The following TXNDC11 variants were observed in gnomAD, a reference collection of about 807,000 sequenced individuals.
TXNDC11 encodes thioredoxin domain-containing protein 11.
Under a neutral mutation model 78.0 loss-of-function variants are expected in TXNDC11, and 68 were observed. The ratio of observed to expected loss-of-function variants is 0.87; its 90% CI spans 0.72 to 1.07. The LOEUF is 1.07. TXNDC11 is among the 50% of genes least tolerant of loss of function. The pLI is 0.00. For synonymous variants in TXNDC11, 571 were observed against 495.2 expected, an observed-to-expected ratio of 1.15 and a Z score of -2.03; for missense variants, 1,389 against 1,221.8, an observed-to-expected ratio of 1.14 and a Z score of -2.04.
At chr16:11,713,021 C>T (rs917081770) in intron 5 of TXNDC11, among the ~76,000 whole-genome samples, 21 of 149,448 alleles carry the variant, frequency 1.4e-4, no homozygotes, top group African/African-American at 5.2e-4. Flanking sequence ...GCAGGAGAAT[C>T]GCTTGAACCC....
At chr16:11,682,379 G>A (rs544563705) in intron 11 of TXNDC11, among the ~76,000 whole-genome samples, 5 of 152,306 alleles carry the variant, frequency 3.3e-5, no homozygotes, top group Non-Finnish European at 7.3e-5. Flanking sequence ...ATTTAGAAAC[G>A]ACAAGGGTAA....
In TXNDC11 at chr16:11,730,681, A is replaced by G; in HGVS notation, c.663T>C (p.Ser221=). 2 of 1,613,786 alleles carry G rather than the reference A, an allele frequency of 1.2e-6. No individual in the cohort carries two copies. Among genetic ancestry groups the G allele is most frequent in the Non-Finnish European group, 1.7e-6 (2 of 1,179,768 alleles). Residue 221 remains serine, a synonymous_variant, in exon 4 of 12, where the codon TCT becomes TCC. Transcript: ENST00000283033. ...AGAGAAAATCTAGTAATTCTGATTG[A>G]GATGGGATGTAGAGAAGTGGTTTCA... ...RVMKPLLYIP[S]QSELLDFLSN...
At chr16:11,720,427 T>C (rs1267105348) in intron 5 of TXNDC11, among the ~76,000 whole-genome samples, 3 of 151,458 alleles carry the variant, frequency 2.0e-5, no homozygotes, top group Non-Finnish European at 4.4e-5. Context: ...TTTTTTTTTT[T>C]TTTTTTGAGA....
intron 5 of TXNDC11, among the ~76,000 whole-genome samples, chr16:11,710,575 C>T (rs1311987641): frequency 6.6e-6 from 1 of 152,186 alleles, no homozygotes; most frequent in Non-Finnish European, 1.5e-5. Flanking sequence ...TAGAGCCAGG[C>T]GCAGTGGCTC....
chr16:11,683,664 G>T (rs1302304364), intron 11 of TXNDC11, among the ~76,000 whole-genome samples: 1 of 151,698 alleles, frequency 6.6e-6, no homozygotes, highest in African/African-American at 2.4e-5. Context: ...TCGGGTAAGA[G>T]ATAGACTGGG....
At chr16:11,733,209 T>C (rs1223330991) in intron 3 of TXNDC11, among the ~76,000 whole-genome samples, 4 of 151,946 alleles carry the variant, frequency 2.6e-5, no homozygotes, top group South Asian at 2.1e-4. Context: ...TGAGCCGAGA[T>C]TGCACCACTG....
rs1234487189 is a variant in TXNDC11, at chr16:11,700,451, C to T, written c.906+1G>A. ...CATAAACGTGATTTCAAAATACTTACAAGTGATGTGTTGAAATGTCTATGT... is the reference window on the plus strand; with the variant it reads ...CATAAACGTGATTTCAAAATACTTATAAGTGATGTGTTGAAATGTCTATGT... On this transcript the variant is annotated splice_donor_variant, in intron 6 of 11. Coordinates refer to ENST00000283033, the MANE Select transcript of TXNDC11 (RefSeq NM_015914.7). LOFTEE classifies it high-confidence loss of function. 2.1e-6 allele frequency: 3 copies of T among 1,415,474 alleles called. No homozygotes were observed. Among genetic ancestry groups the T allele is most frequent in the Non-Finnish European group, 3.0e-6 (3 of 1,007,464 alleles). The allele number at this position is 1,415,474 out of a possible 1,614,324, so 87.7% of individuals were successfully genotyped here.
At position 11,679,137 on chromosome 16, in the gene TXNDC11, A is replaced by G; in HGVS notation, c.*58T>C. The G allele has an allele frequency of 2.0e-6, 3 of 1,535,426 alleles. No homozygotes were observed. The highest frequency in any genetic ancestry group is 2.7e-6 in the Non-Finnish European group (3 of 1,131,014). ...TACAATAAATTTCAATAAAATTTGC[A>G]TAAATATATTCCCAATGTACAATTT... On this transcript the variant is annotated 3_prime_UTR_variant, in exon 12 of 12. Transcript: ENST00000283033. The surrounding 1 kb of genome is among the most constrained non-coding windows in gnomAD (Gnocchi z 4.6).
chr16:11,717,830 A>G (rs2051585390), intron 5 of TXNDC11, among the ~76,000 whole-genome samples: 1 of 151,934 alleles, frequency 6.6e-6, no homozygotes, highest in African/African-American at 2.4e-5. Flanking sequence ...CAAAAAAAAA[A>G]AAGAAAGGCT....
intron 5 of TXNDC11, among the ~76,000 whole-genome samples, chr16:11,704,820 A>C (rs2051135611): frequency 6.6e-6 from 1 of 152,234 alleles, no homozygotes; most frequent in Non-Finnish European, 1.5e-5. Flanking sequence ...TGGATCCTGA[A>C]ACAAAAACAG....
chr16:11,707,094 T>TTAG (rs1403339968), intron 5 of TXNDC11, among the ~76,000 whole-genome samples: 2 of 152,158 alleles, frequency 1.3e-5, no homozygotes, highest in African/African-American at 4.8e-5. Context: ...GTATTTTAGT[T>TTAG]TAGTATCATA....
chr16:11,691,975 G>C lies in TXNDC11; in HGVS notation c.1215C>G (p.Ala405=). The change falls in exon 8 of 12, where the codon GCC becomes GCG. Residue 405 remains alanine, a synonymous_variant. Transcript: ENST00000283033. ...RVDAPVLESL[A]LEVPAQLPDP... Reference sequence around the variant, plus strand: ...CTGGCAGCTGTGCCGGCACTTCCAGGGCCAGGGACTCCAGCACTGGAGCAT... The same window carrying C: ...CTGGCAGCTGTGCCGGCACTTCCAGCGCCAGGGACTCCAGCACTGGAGCAT... 6.2e-7 allele frequency: 1 copy of C among 1,604,492 alleles called. No individual in the cohort carries two copies. Among genetic ancestry groups the C allele is most frequent in the Non-Finnish European group, 8.5e-7 (1 of 1,174,152 alleles).
Position 11,679,921 on chromosome 16 carries a change from A to C in TXNDC11, c.2235-84T>G. On this transcript the variant is annotated intron_variant, in intron 11 of 11. Coordinates refer to ENST00000283033, the MANE Select transcript of TXNDC11 (RefSeq NM_015914.7). This position sits in a 1 kb window ranked among gnomAD's most constrained non-coding sequence, Gnocchi z 4.6. ...AGCAGGCTGTACCTGAGGCCAGGCC[A>C]TCTACTTCTCACCAAGAAAAGACGT... is the stretch of plus-strand genomic sequence containing the variant. The C allele has an allele frequency of 8.4e-7, 1 of 1,193,136 alleles. No individual in the cohort carries two copies. Among genetic ancestry groups the C allele is most frequent in the Non-Finnish European group, 1.2e-6 (1 of 842,130 alleles). The allele number at this position is 1,193,136 out of a possible 1,614,324, so 73.9% of individuals were successfully genotyped here. A position where few individuals can be genotyped will look rare whatever the true frequency, so the allele number is the denominator to read the frequency against.
intron 5 of TXNDC11, among the ~76,000 whole-genome samples, chr16:11,714,780 G>A (rs935266566): frequency 6.6e-6 from 1 of 152,184 alleles, no homozygotes; most frequent in African/African-American, 2.4e-5. Context: ...GTGGAGTACA[G>A]GGACACTACG....
At chr16:11,737,766 T>C (rs1029116873) in intron 1 of TXNDC11, among the ~76,000 whole-genome samples, 1 of 145,820 alleles carries the variant, frequency 6.9e-6, no homozygotes, top group Non-Finnish European at 1.5e-5. Flanking sequence ...CTCGGGAGGC[T>C]GAGGCAGGAG....
intron 4 of TXNDC11, among the ~76,000 whole-genome samples, chr16:11,726,554 T>C (rs975900623): frequency 1.5e-5 from 2 of 132,344 alleles, no homozygotes; most frequent in African/African-American, 5.8e-5. Context: ...CACTCCAGCC[T>C]GGACAACAGA....
intron 10 of TXNDC11, among the ~76,000 whole-genome samples, chr16:11,686,799 T>G (rs9932046): frequency 0.039 from 5,982 of 152,330 alleles, 417 homozygotes; most frequent in African/African-American, 0.14. Context: ...TAAACCATTT[T>G]AATTTCCGGG....
intron 4 of TXNDC11, among the ~76,000 whole-genome samples, chr16:11,727,036 G>A (rs919315520): frequency 1.3e-5 from 2 of 152,190 alleles, no homozygotes; most frequent in East Asian, 1.9e-4. Context: ...CTGGGAGACA[G>A]AGCGAGACTC....
intron 5 of TXNDC11, among the ~76,000 whole-genome samples, chr16:11,704,978 G>A (rs987549929): frequency 6.6e-6 from 1 of 151,154 alleles, no homozygotes; most frequent in South Asian, 2.1e-4. Flanking sequence ...GGTGCATCTC[G>A]GCTCACTGCA....
Sources: allele counts gnomAD v4.1 joint callset (sites outside exome capture counted in the v4.1 genomes callset), GRCh38; gene constraint gnomAD v4.1.1; non-coding constraint Gnocchi (gnomAD v3.1); transcripts MANE v1.5; gene names NCBI Gene and HGNC (gene_info 2026-07-23, HGNC 2026-07-21).